CMTM4: variants seen among roughly 807,000 people sequenced by gnomAD.
CMTM4 encodes the protein CKLF like MARVEL transmembrane domain containing 4.
Under a neutral mutation model 19.0 loss-of-function variants are expected in CMTM4, and 8 were observed. The ratio of observed to expected loss-of-function variants is 0.42; its 90% CI spans 0.25 to 0.76. CMTM4 has a LOEUF of 0.76. Among genes scored for constraint, CMTM4 ranks in the 30% least tolerant of loss-of-function variants. The pLI is 0.27. For synonymous variants in CMTM4, 106 were observed against 121.1 expected (o/e 0.88, Z 0.82); for missense variants, 228 against 290.2 (o/e 0.79, Z 1.56).
chr16:66,652,551 T>C (rs1271703195), intron 1 of CMTM4, among the ~76,000 whole-genome samples: 1 of 152,242 alleles, frequency 6.6e-6, no homozygotes, highest in African/African-American at 2.4e-5. Flanking sequence ...TTGCATTCAA[T>C]TCAATTTTTT....
intron 1 of CMTM4, among the ~76,000 whole-genome samples, chr16:66,662,407 C>A (rs2016514164): frequency 6.6e-6 from 1 of 152,160 alleles, no homozygotes; most frequent in Non-Finnish European, 1.5e-5. Flanking sequence ...GATAGGGAGT[C>A]CAGGACAATC....
At chr16:66,601,492 G>A in the CMTM4 span, among the ~76,000 whole-genome samples, 1 of 152,202 alleles carries the variant, frequency 6.6e-6, no homozygotes, top group Non-Finnish European at 1.5e-5. Flanking sequence ...CAGAGTGGAG[G>A]AAGTGTGAGC....
chr16:66,610,021 T>C (rs1194401406), downstream of CMTM4: 1 of 1,614,054 alleles, frequency 6.2e-7, no homozygotes, highest in South Asian at 1.1e-5. The surrounding 1 kb of genome is among the most constrained non-coding windows in gnomAD (Gnocchi z 4.6). Flanking sequence ...GCTGCCCTGA[T>C]CACCCCAGCA....
chr16:66,600,903 G>A, the CMTM4 span, among the ~76,000 whole-genome samples: 2 of 152,190 alleles, frequency 1.3e-5, no homozygotes, highest in Admixed American at 6.5e-5. Context: ...TAGAGAAGAA[G>A]GTGGAGAAGC....
Position 66,620,646 on chromosome 16 carries a change from T to C in CMTM4, c.*1412A>G. 1.0e-6 allele frequency: 1 copy of C among 985,784 alleles called. No homozygotes were observed. Among genetic ancestry groups the C allele is most frequent in the Non-Finnish European group, 1.2e-6 (1 of 829,940 alleles). The allele number at this position is 985,784 out of a possible 1,614,324, so 61.1% of individuals were successfully genotyped here. On this transcript the variant is annotated 3_prime_UTR_variant, in exon 4 of 4. Coordinates refer to ENST00000394106, the MANE Select transcript of CMTM4 (RefSeq NM_181521.3). ...TAAAGCTGTCAACATTTGTCAGCAC[T>C]TGATCTTGGGGATTTCTCCATGTTA...
chr16:66,647,527 A>G (rs1485653868), intron 1 of CMTM4, among the ~76,000 whole-genome samples: 1 of 151,958 alleles, frequency 6.6e-6, no homozygotes, highest in African/African-American at 2.4e-5. Flanking sequence ...CTGATACACC[A>G]TTGGGGGTAA....
chr16:66,625,537 T>C (rs753756593), intron 2 of CMTM4, among the ~76,000 whole-genome samples: 8 of 151,754 alleles, frequency 5.3e-5, no homozygotes, highest in African/African-American at 1.5e-4. Context: ...TCATTAACAG[T>C]AGTGAGTGAA....
downstream of CMTM4, chr16:66,611,001 G>C (rs990088046): frequency 2.5e-6 from 1 of 397,894 alleles, no homozygotes; most frequent in Non-Finnish European, 4.4e-6. Context: ...CCAGTTGCCC[G>C]CAGCAAGTGA....
At chr16:66,687,058 G>T (rs892596889) in intron 1 of CMTM4, among the ~76,000 whole-genome samples, 5 of 151,148 alleles carry the variant, frequency 3.3e-5, no homozygotes, top group Admixed American at 1.3e-4. Flanking sequence ...ACTAACAAAT[G>T]AGGGTAAATT....
At chr16:66,626,946 CAAAAAAATTA>C (rs1169896098) in intron 2 of CMTM4, among the ~76,000 whole-genome samples, 6 of 151,014 alleles carry the variant, frequency 4.0e-5, no homozygotes, top group African/African-American at 1.2e-4. Flanking sequence ...CAAAAAAATT[CAAAAAAATTA>C]GCCAGGCATG....
chr16:66,599,159 GCACAC>G, the CMTM4 span, among the ~76,000 whole-genome samples: 1 of 151,824 alleles, frequency 6.6e-6, no homozygotes, highest in African/African-American at 2.4e-5. Flanking sequence ...CTCTGGTGAT[GCACAC>G]CTGTAATCTC....
At chr16:66,626,353 C>A (rs1182988674) in intron 2 of CMTM4, among the ~76,000 whole-genome samples, 2 of 152,208 alleles carry the variant, frequency 1.3e-5, no homozygotes, top group African/African-American at 4.8e-5. Flanking sequence ...TCTGTAATCC[C>A]AGCACTTTGG....
At chr16:66,644,852 T>C (rs1333467045) in intron 1 of CMTM4, among the ~76,000 whole-genome samples, 3 of 152,184 alleles carry the variant, frequency 2.0e-5, no homozygotes, top group African/African-American at 7.2e-5. Flanking sequence ...CAAACTGAGG[T>C]ACCCTTTTCA....
chr16:66,680,773 CAAAAAAAAAAAA>C (rs35127974), intron 1 of CMTM4, among the ~76,000 whole-genome samples: 4 of 32,258 alleles, frequency 1.2e-4, no homozygotes, highest in South Asian at 1.2e-3. Context: ...GACTCCGTCT[CAAAAAAAAAAAA>C]AAAAAAAAAA....
chr16:66,634,078 G>T (rs997665604), intron 2 of CMTM4, among the ~76,000 whole-genome samples: 1 of 152,144 alleles, frequency 6.6e-6, no homozygotes, highest in Non-Finnish European at 1.5e-5. Flanking sequence ...TGGTAGTGTG[G>T]TAGTCAACAA....
the CMTM4 span, among the ~76,000 whole-genome samples, chr16:66,598,621 C>T: frequency 6.6e-6 from 1 of 152,158 alleles, no homozygotes; most frequent in African/African-American, 2.4e-5. Context: ...GTTACTGTAG[C>T]TTACTTTTGC....
the CMTM4 span, among the ~76,000 whole-genome samples, chr16:66,602,667 C>T: frequency 6.6e-6 from 1 of 152,132 alleles, no homozygotes; most frequent in South Asian, 2.1e-4. Flanking sequence ...ATGCCTCACC[C>T]TCCCAAGTAG....
intron 1 of CMTM4, among the ~76,000 whole-genome samples, chr16:66,665,121 A>AT (rs952345756): frequency 2.0e-5 from 3 of 151,006 alleles, no homozygotes; most frequent in African/African-American, 7.3e-5. Context: ...TTGTTTTGGT[A>AT]TTTTTTTGTA....
At chr16:66,644,870 G>A (rs150180527) in intron 1 of CMTM4, among the ~76,000 whole-genome samples, 2 of 152,266 alleles carry the variant, frequency 1.3e-5, no homozygotes, top group African/African-American at 4.8e-5. Flanking sequence ...TCATCTACTC[G>A]ATTCATAAAA....
Sources: allele counts gnomAD v4.1 joint callset (sites outside exome capture counted in the v4.1 genomes callset), GRCh38; gene constraint gnomAD v4.1.1; non-coding constraint Gnocchi (gnomAD v3.1); transcripts MANE v1.5; gene names NCBI Gene and HGNC (gene_info 2026-07-23, HGNC 2026-07-21).